The following TIAM2 variants were observed in gnomAD, a reference collection of about 807,000 sequenced individuals.
TIAM2 encodes TIAM Rac1 associated GEF 2, also known as rho guanine nucleotide exchange factor TIAM2.
A neutral mutation model predicts 152.9 loss-of-function variants in TIAM2; 80 were observed. That is an observed-to-expected ratio of 0.52 (90% CI 0.44 to 0.63). TIAM2 has a LOEUF of 0.63. Among genes scored for constraint, TIAM2 ranks in the 30% least tolerant of loss-of-function variants. TIAM2 has a pLI of 0.00. For synonymous variants in TIAM2, 804 were observed against 838.0 expected (o/e 0.96, Z 0.70); for missense variants, 1,965 against 2,120.1 (o/e 0.93, Z 1.44).
At chr6:155,231,721 G>A (rs1782484770) in intron 15 of TIAM2, among the ~76,000 whole-genome samples, 2 of 152,230 alleles carry the variant, frequency 1.3e-5, no homozygotes. Context: ...TGGATGTGCA[G>A]ACCAGGAGCC....
intron 1 of TIAM2, among the ~76,000 whole-genome samples, chr6:155,064,484 T>G (rs1258540230): frequency 3.3e-5 from 5 of 152,220 alleles, no homozygotes; most frequent in Non-Finnish European, 7.3e-5. Flanking sequence ...AGCTGGAATT[T>G]GGCCTTCCCA....
intron 15 of TIAM2, among the ~76,000 whole-genome samples, chr6:155,228,192 T>A (rs1782314092): frequency 6.6e-6 from 1 of 152,108 alleles, no homozygotes; most frequent in Non-Finnish European, 1.5e-5. Flanking sequence ...GTATGTGGGA[T>A]CTCCCCCTTC....
At chr6:155,225,111 G>A (rs1373421157) in intron 15 of TIAM2, among the ~76,000 whole-genome samples, 1 of 152,096 alleles carries the variant, frequency 6.6e-6, no homozygotes, top group African/African-American at 2.4e-5. Flanking sequence ...ATGCACAACT[G>A]CACACAGCTA....
intron 1 of TIAM2, among the ~76,000 whole-genome samples, chr6:155,012,448 C>T (rs1778505372): frequency 6.6e-6 from 1 of 152,140 alleles, no homozygotes; most frequent in Non-Finnish European, 1.5e-5. Flanking sequence ...AATCAACCAA[C>T]CAACTTACCA....
intron 5 of TIAM2, 141 bp from the exon 6 acceptor site, chr6:155,144,464 GC>G: frequency 1.4e-6 from 1 of 734,778 alleles, no homozygotes; most frequent in South Asian, 2.8e-5. Context: ...TACTTCAGAT[GC>G]CACTTTTCCT....
chr6:155,010,115 C>T (rs1334631429), intron 1 of TIAM2, among the ~76,000 whole-genome samples: 4 of 152,112 alleles, frequency 2.6e-5, no homozygotes, highest in Admixed American at 6.6e-5. Flanking sequence ...GCACTACAGG[C>T]GTGAGCCACC....
At chr6:155,211,143 G>T in intron 14 of TIAM2, 61 bp from the exon 15 acceptor site, 1 of 1,453,326 alleles carries the variant, frequency 6.9e-7, no homozygotes, top group East Asian at 2.4e-5. Context: ...CCTTTAAACC[G>T]GGTGTTATTA....
intron 7 of TIAM2, among the ~76,000 whole-genome samples, chr6:155,157,144 C>T (rs1780139558): frequency 6.6e-6 from 1 of 152,178 alleles, no homozygotes; most frequent in South Asian, 2.1e-4. Context: ...TGTGGAAGCA[C>T]CTCTGTCTCG....
intron 1 of TIAM2, among the ~76,000 whole-genome samples, chr6:155,049,428 G>C (rs1777273525): frequency 6.6e-6 from 1 of 152,168 alleles, no homozygotes; most frequent in African/African-American, 2.4e-5. Context: ...AATTGGCTCT[G>C]TTTAGTCTCT....
At chr6:155,043,704 C>T (rs1228648581) in intron 1 of TIAM2, among the ~76,000 whole-genome samples, 1 of 151,784 alleles carries the variant, frequency 6.6e-6, no homozygotes, top group African/African-American at 2.4e-5. Flanking sequence ...TTAGGAGCCC[C>T]CCTGCACCCC....
chr6:155,206,224 G>C (rs1781590739), intron 14 of TIAM2, among the ~76,000 whole-genome samples: 1 of 152,106 alleles, frequency 6.6e-6, no homozygotes, highest in Non-Finnish European at 1.5e-5. Flanking sequence ...TAGCCTGCCT[G>C]GACTGTCATC....
intron 1 of TIAM2, among the ~76,000 whole-genome samples, chr6:155,030,377 ATT>A (rs1562295728): frequency 3.3e-5 from 5 of 152,172 alleles, no homozygotes; most frequent in African/African-American, 1.2e-4. Context: ...TGAGAAGTTG[ATT>A]TTAACAGTCC....
chr6:155,009,169 T>A (rs533283381), intron 1 of TIAM2, among the ~76,000 whole-genome samples: 176 of 147,386 alleles, frequency 1.2e-3, no homozygotes, highest in African/African-American at 4.1e-3. Context: ...TGGTACAATC[T>A]TGGCTCACTG....
Position 155,247,873 on chromosome 6 carries a change from G to C in TIAM2, c.3653-127G>C, listed in dbSNP as rs78460859. The stretch of plus-strand genomic sequence containing the variant: ...GGTGCCTGACCCACTGATGTGTTGG[G>C]GTTTTCATTAAAGAATGGCATTAGG... On this transcript the variant is annotated intron_variant, in intron 19 of 26. Coordinates refer to ENST00000682666, the MANE Select transcript of TIAM2 (RefSeq NM_012454.4). 1,864 of 1,216,380 alleles carry C rather than the reference G, an allele frequency of 1.5e-3. 31 individuals are homozygous for C. In the African/African-American group the frequency reaches 0.026, roughly 17 times the overall value. 75.3% of individuals were successfully genotyped at this position (1,216,380 alleles called of 1,614,324 possible).
At chr6:155,239,274 C>T (rs1213837358) in intron 15 of TIAM2, among the ~76,000 whole-genome samples, 1 of 152,112 alleles carries the variant, frequency 6.6e-6, no homozygotes, top group Non-Finnish European at 1.5e-5. Flanking sequence ...TTAATGGATG[C>T]CAGTCATTTG....
chr6:155,256,517 C>T lies in TIAM2; in HGVS notation c.4502C>T (p.Ser1501Phe). The change falls in exon 27 of 27, where the codon TCC becomes TTC. Residue 1501 changes from serine to phenylalanine, a missense_variant. Coordinates refer to ENST00000682666, the MANE Select transcript of TIAM2 (RefSeq NM_012454.4). ...SSRSLKVLKN[S>F]SSNEWTGETG... The stretch of plus-strand genomic sequence containing the variant: ...AGGTCTTTAAAAGTCCTGAAGAATT[C>T]CTCCAGCAACGAGTGGACCGGTGAG... 6.2e-7 allele frequency: 1 copy of T among 1,614,186 alleles called. No individual in the cohort carries two copies. Among genetic ancestry groups the T allele is most frequent in the East Asian group, 2.2e-5 (1 of 44,880 alleles).
intron 2 of TIAM2, among the ~76,000 whole-genome samples, chr6:155,098,796 T>A (rs1442395620): frequency 1.3e-5 from 2 of 152,252 alleles, no homozygotes; most frequent in African/African-American, 4.8e-5. Context: ...TCCACATTTT[T>A]ATGTCACAAT....
In TIAM2 at chr6:155,187,573, C is replaced by CTTTTTT. The variant is rs59818801; in HGVS notation, c.3064+4091_3064+4096dup. Among the ~76,000 whole-genome samples, 245 of 49,620 alleles carry CTTTTTT rather than the reference C, an allele frequency of 4.9e-3. 7 individuals carry two copies. The highest frequency in any genetic ancestry group is 7.2e-3 in the African/African-American group (91 of 12,668). The allele number at this position is 49,620 out of a possible 152,430, so 32.6% of individuals were successfully genotyped here. ...AACCCCCCCTCCCCCACCCCGCCCC[C>CTTTTTT]TTTTTTTTTTTTTTTTTTTTTTTGA... On this transcript the variant is annotated intron_variant, in intron 14 of 26. Coordinates refer to ENST00000682666, the MANE Select transcript of TIAM2 (RefSeq NM_012454.4).
Position 155,251,762 on chromosome 6 carries a change from T to G in TIAM2, c.4061-183T>G, listed in dbSNP as rs796396676. On this transcript the variant is annotated intron_variant, in intron 22 of 26. Coordinates refer to ENST00000682666, the MANE Select transcript of TIAM2 (RefSeq NM_012454.4). ...TAATAGTAGCTTTTAAATAAGCAGG[T>G]GCTTCTGCATAGTTCAAATATGAGC... Among the ~76,000 whole-genome samples the G allele has an allele frequency of 3.9e-5, 6 of 152,322 alleles. No homozygotes were observed. The South Asian group carries it at 1.2e-3, about 32-fold the overall frequency.
Sources: allele counts gnomAD v4.1 joint callset (sites outside exome capture counted in the v4.1 genomes callset), GRCh38; gene constraint gnomAD v4.1.1; transcripts MANE v1.5; gene names NCBI Gene and HGNC (gene_info 2026-07-23, HGNC 2026-07-21).